The following DEGS1 variants were observed in gnomAD, a reference collection of about 807,000 sequenced individuals.
The protein encoded by DEGS1 is sphingolipid delta(4)-desaturase DES1.
DEGS1 carries 17 observed loss-of-function variants against 24.1 expected under a neutral mutation model. The ratio of observed to expected loss-of-function variants is 0.70; its 90% CI spans 0.48 to 1.06. DEGS1 has a LOEUF of 1.06. Ranked by LOEUF, DEGS1 falls within the 50% of genes least tolerant of loss-of-function variation. The pLI is 0.00. For missense variants in DEGS1, 366 were observed against 408.9 expected (o/e 0.90, Z 0.91); for synonymous variants, 134 against 140.0 (o/e 0.96, Z 0.30).
chr1:224,183,323 C>A lies in DEGS1; in HGVS notation c.-14C>A. The A allele has an allele frequency of 6.8e-7, 1 of 1,480,214 alleles. No homozygotes were observed. Among genetic ancestry groups the A allele is most frequent in the East Asian group, 3.0e-5 (1 of 33,094 alleles). The allele number at this position is 1,480,214 out of a possible 1,614,324, so 91.7% of individuals were successfully genotyped here. A position where few individuals can be genotyped will look rare whatever the true frequency, so the allele number is the denominator to read the frequency against. ...CGAGAGCCGACAGCTAGTCTGCAAG[C>A]CACCGCTGTCGCCATGGGGAGCCGC... On this transcript the variant is annotated 5_prime_UTR_variant, in exon 1 of 3. Transcript: ENST00000323699.
intron 1 of DEGS1, among the ~76,000 whole-genome samples, chr1:224,185,442 A>G (rs959867404): frequency 6.6e-6 from 1 of 152,088 alleles, no homozygotes; most frequent in Non-Finnish European, 1.5e-5. Context: ...TGGTCCGCAT[A>G]CCTCAGCCTG....
At chr1:224,185,453 C>G (rs1263127392) in intron 1 of DEGS1, among the ~76,000 whole-genome samples, 1 of 152,194 alleles carries the variant, frequency 6.6e-6, no homozygotes, top group African/African-American at 2.4e-5. Context: ...CCTCAGCCTG[C>G]CAGTAGCAAT....
At chr1:224,191,361 G>C (rs1349999203) in intron 2 of DEGS1, among the ~76,000 whole-genome samples, 4 of 149,852 alleles carry the variant, frequency 2.7e-5, no homozygotes, top group Non-Finnish European at 5.9e-5. Flanking sequence ...CTGCACTCCA[G>C]CCTGGGTGAC....
rs1658279585 is a variant in DEGS1, at chr1:224,183,263, G to A, written c.-74G>A. On this transcript the variant is annotated 5_prime_UTR_variant, in exon 1 of 3. Coordinates refer to ENST00000323699, the MANE Select transcript of DEGS1 (RefSeq NM_003676.4). ...ACACCACACCAGCCGGGGAGCCGCCGCCGCCGCCGCCACCTCTGAGCAGCC... is the reference window on the plus strand; with the variant it reads ...ACACCACACCAGCCGGGGAGCCGCCACCGCCGCCGCCACCTCTGAGCAGCC... The A allele has an allele frequency of 6.6e-6, 9 of 1,361,042 alleles. No individual in the cohort carries two copies. The highest frequency in any genetic ancestry group is 1.5e-5 in the African/African-American group (1 of 65,570). The allele number at this position is 1,361,042 out of a possible 1,614,324, so 84.3% of individuals were successfully genotyped here.
At position 224,189,782 on chromosome 1, in the gene DEGS1, C is replaced by T; in HGVS notation, c.288C>T (p.Ala96=). The change falls in exon 2 of 3, where the codon GCC becomes GCT. Residue 96 remains alanine (A), a synonymous_variant. Transcript: ENST00000323699. ...TTCATGAGATTGCCCACAATGCTGC[C>T]TTTGGCAACTGCAAAGCAATGTGGA... is the stretch of plus-strand genomic sequence containing the variant. ...LAIHEIAHNA[A]FGNCKAMWNR... The T allele has an allele frequency of 1.9e-6, 3 of 1,614,214 alleles. No homozygotes were observed. Among genetic ancestry groups the T allele is most frequent in the South Asian group, 2.2e-5 (2 of 91,088 alleles).
In DEGS1 at chr1:224,189,650, C is replaced by G; in HGVS notation, c.156C>G (p.Leu52=). ...TATGGATTATAATTATGATGGTTCT[C>G]ACCCAGTTGGGTGCATTTTACATAG... ...NLIWIIIMMV[L]TQLGAFYIVK... Residue 52 remains leucine, a synonymous_variant, in exon 2 of 3, where the codon CTC becomes CTG. Coordinates refer to ENST00000323699, the MANE Select transcript of DEGS1 (RefSeq NM_003676.4). The G allele has an allele frequency of 3.1e-6, 5 of 1,613,814 alleles. No homozygotes were observed. Among genetic ancestry groups the G allele is most frequent in the Non-Finnish European group, 4.2e-6 (5 of 1,179,746 alleles).
At position 224,189,955 on chromosome 1, in the gene DEGS1, G is replaced by C; in HGVS notation, c.461G>C (p.Cys154Ser). 6.2e-7 allele frequency: 1 copy of C among 1,614,168 alleles called. No individual in the cohort carries two copies. The highest frequency in any genetic ancestry group is 8.5e-7 in the Non-Finnish European group (1 of 1,180,038). The change falls in exon 2 of 3, where the codon TGT becomes TCT. Residue 154 changes from cysteine to serine, a missense_variant. Transcript: ENST00000323699. The part of the protein sequence containing the change: ...IPTDFEGWFF[C>S]TAFRKFIWVI... ...ACCGATTTTGAGGGCTGGTTCTTCT[G>C]TACCGCTTTCAGAAAGTTTATATGG... is the stretch of plus-strand genomic sequence containing the variant.
At chr1:224,186,648 G>A (rs1658401082) in intron 1 of DEGS1, among the ~76,000 whole-genome samples, 1 of 148,612 alleles carries the variant, frequency 6.7e-6, no homozygotes, top group African/African-American at 2.5e-5. Flanking sequence ...GGGAGGCAGA[G>A]CTTGCAGTGA....
Position 224,190,059 on chromosome 1 carries a change from A to G in DEGS1, c.565A>G (p.Asn189Asp), listed in dbSNP as rs771864122. ...ACCAATTACGTATCTGGAAGTTATC[A>G]ATACCGTGGCACAGGTCACTTTTGA... ...PKPITYLEVI[N>D]TVAQVTFDIL... Residue 189 changes from asparagine to aspartate, a missense_variant, in exon 2 of 3, where the codon AAT becomes GAT. Physicochemically the swap from Asn to Asp is conservative, Grantham distance 23. Transcript: ENST00000323699. The G allele has an allele frequency of 2.5e-6, 4 of 1,614,216 alleles. No individual in the cohort carries two copies. In the South Asian group the frequency reaches 3.3e-5, roughly 13 times the overall value.
In DEGS1 at chr1:224,189,520, ATT is replaced by A. The variant is rs1369825379; in HGVS notation, c.83-56_83-55del. 5 of 1,294,458 alleles carry A rather than the reference ATT, an allele frequency of 3.9e-6. No homozygotes were observed. The African/African-American group carries it at 7.4e-5, about 19-fold the overall frequency. 80.2% of individuals were successfully genotyped at this position (1,294,458 alleles called of 1,614,324 possible). A position where few individuals can be genotyped will look rare whatever the true frequency, so the allele number is the denominator to read the frequency against. On this transcript the variant is annotated intron_variant, in intron 1 of 2. Transcript: ENST00000323699. ...TTTAATTGGTGTTAATTTAATTATAATTGGTGAACTATTACATACTTTTCTTA... is the reference window on the plus strand; with the variant it reads ...TTTAATTGGTGTTAATTTAATTATAAGGTGAACTATTACATACTTTTCTTA...
chr1:224,184,023 G>A (rs1057219054), intron 1 of DEGS1, among the ~76,000 whole-genome samples: 1 of 152,224 alleles, frequency 6.6e-6, no homozygotes, highest in Non-Finnish European at 1.5e-5. Context: ...GGGGCTTCTC[G>A]GACTTGATGG....
intron 1 of DEGS1, among the ~76,000 whole-genome samples, chr1:224,184,539 T>C (rs977067913): frequency 2.6e-5 from 4 of 152,048 alleles, no homozygotes; most frequent in African/African-American, 7.2e-5. Flanking sequence ...TGAGACTGAG[T>C]CTCACTCTGT....
At chr1:224,188,666 C>T (rs1049500957) in intron 1 of DEGS1, among the ~76,000 whole-genome samples, 6 of 152,140 alleles carry the variant, frequency 3.9e-5, no homozygotes, top group Non-Finnish European at 7.3e-5. Context: ...GGGTTCAGAT[C>T]CTTTGCCCAT....
chr1:224,192,277 T>C, intron 2 of DEGS1, 55 bp from the exon 3 acceptor site: 2 of 1,523,204 alleles, frequency 1.3e-6, no homozygotes, highest in Non-Finnish European at 1.8e-6. Flanking sequence ...TCAGTCATCT[T>C]TGAAAGAACC....
chr1:224,189,057 A>C (rs927307076), intron 1 of DEGS1, among the ~76,000 whole-genome samples: 1 of 152,154 alleles, frequency 6.6e-6, no homozygotes, highest in African/African-American at 2.4e-5. Flanking sequence ...ATTTGTTGAA[A>C]GGACTGTTCT....
intron 2 of DEGS1, among the ~76,000 whole-genome samples, chr1:224,192,050 G>C (rs1166049255): frequency 6.6e-6 from 1 of 152,068 alleles, no homozygotes; most frequent in African/African-American, 2.4e-5. Flanking sequence ...GTATGTATTT[G>C]TTGTTAATTT....
In DEGS1 at chr1:224,183,349, G is replaced by A; in HGVS notation, c.13G>A (p.Val5Ile). The change falls in exon 1 of 3, where the codon GTC (valine) becomes ATC (isoleucine). Residue 5 changes from valine to isoleucine, a missense_variant. Val to Ile is a conservative substitution (Grantham distance 29, BLOSUM62 3). Coordinates refer to ENST00000323699, the MANE Select transcript of DEGS1 (RefSeq NM_003676.4). ...CACCGCTGTCGCCATGGGGAGCCGC[G>A]TCTCGCGGGAAGACTTCGAGTGGGT... The part of the protein sequence containing the change: MGSR[V>I]SREDFEWVYT... The A allele has an allele frequency of 6.8e-7, 1 of 1,479,778 alleles. No individual in the cohort carries two copies. Among genetic ancestry groups the A allele is most frequent in the East Asian group, 3.0e-5 (1 of 33,038 alleles). The allele number at this position is 1,479,778 out of a possible 1,614,324, so 91.7% of individuals were successfully genotyped here.
chr1:224,188,320 T>C (rs1418956411), intron 1 of DEGS1, among the ~76,000 whole-genome samples: 1 of 152,132 alleles, frequency 6.6e-6, no homozygotes, highest in Non-Finnish European at 1.5e-5. Context: ...AATAAAATAA[T>C]ATTTTAAGGT....
chr1:224,186,671 C>T (rs1275287189), intron 1 of DEGS1, among the ~76,000 whole-genome samples: 2 of 147,434 alleles, frequency 1.4e-5, no homozygotes, highest in Admixed American at 6.9e-5. Context: ...TGAGATGGTG[C>T]CACTGCACTC....
Sources: gnomAD v4.1 joint callset for allele counts (sites outside exome capture counted in the v4.1 genomes callset) on GRCh38, gnomAD v4.1.1 for gene constraint, MANE v1.5 for transcripts, NCBI Gene and HGNC (gene_info 2026-07-23, HGNC 2026-07-21) for gene names.